Variants in NKAIN2 observed in about 807,000 individuals in gnomAD.
The protein encoded by NKAIN2 is sodium/potassium transporting ATPase interacting 2, also known as sodium/potassium-transporting ATPase subunit beta-1-interacting protein 2.
Under a neutral mutation model 32.6 loss-of-function variants are expected in NKAIN2, and 14 were observed. The observed-to-expected ratio is 0.43, with a 90% CI of 0.28 to 0.67. The LOEUF is 0.67. Among genes scored for constraint, NKAIN2 ranks in the 30% least tolerant of loss-of-function variants. The pLI, the probability that NKAIN2 is intolerant of heterozygous loss-of-function variation, is 0.17. For missense variants in NKAIN2, 198 were observed against 258.3 expected (o/e 0.77, Z 1.60); for synonymous variants, 80 against 87.2 (o/e 0.92, Z 0.46).
chr6:124,312,423 C>A (rs774327661), intron 2 of NKAIN2, among the ~76,000 whole-genome samples: 2 of 152,282 alleles, frequency 1.3e-5, no homozygotes, highest in Admixed American at 6.5e-5. Context: ...TTCTGACAGA[C>A]CTGCTTTCAG....
intron 4 of NKAIN2, among the ~76,000 whole-genome samples, chr6:124,782,657 T>G (rs1344100588): frequency 2.0e-5 from 3 of 152,116 alleles, no homozygotes; most frequent in Non-Finnish European, 4.4e-5. Flanking sequence ...TATAGTTAAT[T>G]TTGCTATTGG....
At chr6:123,830,873 G>A (rs1582610753) in intron 1 of NKAIN2, among the ~76,000 whole-genome samples, 2 of 152,180 alleles carry the variant, frequency 1.3e-5, no homozygotes, top group African/African-American at 4.8e-5. Flanking sequence ...ACTGACGAAT[G>A]AATGATTTTG....
At chr6:124,478,675 G>A (rs1777328469) in intron 3 of NKAIN2, among the ~76,000 whole-genome samples, 1 of 152,154 alleles carries the variant, frequency 6.6e-6, no homozygotes, top group African/African-American at 2.4e-5. Flanking sequence ...AGTCTATTCT[G>A]ATATAAGTAA....
intron 2 of NKAIN2, among the ~76,000 whole-genome samples, chr6:124,343,166 AT>A (rs979252277): frequency 6.6e-6 from 1 of 151,926 alleles, no homozygotes. Context: ...TGAACTCATC[AT>A]TTTTTATGGC....
Position 124,825,285 on chromosome 6 carries a change from C to T in NKAIN2, c.*2056C>T, listed in dbSNP as rs1781542781. 1 of 152,544 alleles carries T rather than the reference C, an allele frequency of 6.6e-6. No homozygotes were observed. The highest frequency in any genetic ancestry group is 6.6e-5 in the Admixed American group (1 of 15,264). The allele number at this position is 152,544 out of a possible 1,614,324, so 9.4% of individuals were successfully genotyped here. A position where few individuals can be genotyped will look rare whatever the true frequency, so the allele number is the denominator to read the frequency against. On this transcript the variant is annotated 3_prime_UTR_variant, in exon 7 of 7. Transcript: ENST00000368417. ...CTCATATTCCTGCTTTAAGTTACAG[C>T]CAAGTTTTCACCAAATCACAACTAT...
rs934170451 is a variant in NKAIN2, at chr6:123,824,479, G to A, written c.54+20225G>A. ...CTAGCTACAATTCAAAAGAGTAGCA[G>A]TTTGAGGACATTTTGGGAGGGTACC... On this transcript the variant is annotated intron_variant, in intron 1 of 6. Transcript: ENST00000368417. Among the ~76,000 whole-genome samples the A allele has an allele frequency of 3.5e-4, 54 of 152,230 alleles. 1 individual carries two copies. The highest frequency in any genetic ancestry group is 3.4e-3 in the Middle Eastern group (1 of 294).
At chr6:123,825,178 G>A (rs1774096093) in intron 1 of NKAIN2, among the ~76,000 whole-genome samples, 1 of 151,968 alleles carries the variant, frequency 6.6e-6, no homozygotes, top group South Asian at 2.1e-4. Flanking sequence ...GTGCCCTGCC[G>A]TCATGACCTC....
In NKAIN2 at chr6:124,387,638, T is replaced by C; in HGVS notation, c.273+32291T>C. Among the ~76,000 whole-genome samples, 2 of 152,114 alleles carry C rather than the reference T, an allele frequency of 1.3e-5. 1 individual carries two copies. ...TTTGTGTTTGCAAAATTGGATTTTT[T>C]TCAAATCCAGCGTGCTACCAGCTAA... On this transcript the variant is annotated intron_variant, in intron 3 of 6. Coordinates refer to ENST00000368417, the MANE Select transcript of NKAIN2 (RefSeq NM_001040214.3).
chr6:124,711,927 G>GT (rs1351354868), intron 4 of NKAIN2, among the ~76,000 whole-genome samples: 1 of 152,058 alleles, frequency 6.6e-6, no homozygotes, highest in Non-Finnish European at 1.5e-5. Flanking sequence ...TTTCTGTTCT[G>GT]TTTTTTCCCC....
At chr6:124,142,627 C>T (rs546206708) in intron 1 of NKAIN2, among the ~76,000 whole-genome samples, 3 of 151,970 alleles carry the variant, frequency 2.0e-5, no homozygotes, top group African/African-American at 4.8e-5. Context: ...TTCAATAATG[C>T]GAGTATCTTT....
intron 1 of NKAIN2, among the ~76,000 whole-genome samples, chr6:124,139,324 A>G (rs922709407): frequency 1.3e-5 from 2 of 150,158 alleles, no homozygotes; most frequent in Non-Finnish European, 3.0e-5. Flanking sequence ...TCCTGACCTC[A>G]TGATCCACCC....
At chr6:124,451,576 A>C (rs1200896980) in intron 3 of NKAIN2, among the ~76,000 whole-genome samples, 1 of 152,138 alleles carries the variant, frequency 6.6e-6, no homozygotes, top group South Asian at 2.1e-4. Flanking sequence ...GAGACCAATT[A>C]TGATTTATAC....
intron 3 of NKAIN2, among the ~76,000 whole-genome samples, chr6:124,454,112 G>C (rs1273128927): frequency 6.2e-5 from 9 of 145,984 alleles, no homozygotes; most frequent in Non-Finnish European, 1.4e-4. Context: ...TTTTTGGGGG[G>C]GGGGGTTGCT....
chr6:123,991,320 A>G (rs1779399856), intron 1 of NKAIN2, among the ~76,000 whole-genome samples: 1 of 152,108 alleles, frequency 6.6e-6, no homozygotes, highest in Non-Finnish European at 1.5e-5. Flanking sequence ...TGCTGATGAA[A>G]GTTGAAGTCA....
chr6:124,821,091 T>A (rs937737510), intron 6 of NKAIN2, among the ~76,000 whole-genome samples: 2 of 152,096 alleles, frequency 1.3e-5, no homozygotes, highest in Admixed American at 1.3e-4. Flanking sequence ...GGTCAGGAGT[T>A]CGAGAGCAGC....
chr6:123,947,140 T>C (rs1376799409), intron 1 of NKAIN2, among the ~76,000 whole-genome samples: 2 of 152,154 alleles, frequency 1.3e-5, no homozygotes, highest in Admixed American at 6.6e-5. Context: ...GTGATACAAT[T>C]GATGTGAAAA....
chr6:124,224,074 A>T (rs902121698), intron 1 of NKAIN2, among the ~76,000 whole-genome samples: 4 of 152,182 alleles, frequency 2.6e-5, no homozygotes, highest in Admixed American at 6.5e-5. Flanking sequence ...CAAGAACAAG[A>T]TGACAACTGA....
At chr6:124,534,010 C>T (rs567085986) in intron 3 of NKAIN2, among the ~76,000 whole-genome samples, 1 of 152,308 alleles carries the variant, frequency 6.6e-6, no homozygotes, top group African/African-American at 2.4e-5. Flanking sequence ...CTGATGCCAT[C>T]AAATTAGAGG....
chr6:124,480,775 A>G (rs1043450704), intron 3 of NKAIN2, among the ~76,000 whole-genome samples: 2 of 152,110 alleles, frequency 1.3e-5, no homozygotes, highest in African/African-American at 2.4e-5. Flanking sequence ...GTTAATAGAA[A>G]AGTGTAATAT....
Sources: gnomAD v4.1 joint callset for allele counts (sites outside exome capture counted in the v4.1 genomes callset) on GRCh38, gnomAD v4.1.1 for gene constraint, MANE v1.5 for transcripts, NCBI Gene and HGNC (gene_info 2026-07-23, HGNC 2026-07-21) for gene names.